Variants in PI4KA observed in about 807,000 individuals in gnomAD.
PI4KA encodes phosphatidylinositol 4-kinase alpha, also known as PI4-kinase alpha.
PI4KA carries 122 observed loss-of-function variants against 271.4 expected under a neutral mutation model. The observed-to-expected ratio is 0.45, with a 90% CI of 0.39 to 0.52. PI4KA has a LOEUF of 0.52. PI4KA is among the 20% of genes least tolerant of loss of function. The pLI is 0.00. For synonymous variants in PI4KA, 1,041 were observed against 1,078.8 expected (o/e 0.96, Z 0.69); for missense variants, 1,969 against 2,769.1 (o/e 0.71, Z 6.48).
At chr22:20,853,501 T>G (rs1927236233) in intron 1 of PI4KA, among the ~76,000 whole-genome samples, 2 of 152,316 alleles carry the variant, frequency 1.3e-5, no homozygotes, top group South Asian at 4.1e-4. Flanking sequence ...GATCCCAATG[T>G]TGAAAAGCCT....
intron 54 of PI4KA, 95 bp from the exon 55 acceptor site, chr22:20,708,193 T>C: frequency 2.1e-6 from 2 of 931,502 alleles, no homozygotes; most frequent in Non-Finnish European, 3.6e-6. Context: ...ATCAGCCCCT[T>C]ATGGCTGCCC....
intron 27 of PI4KA, among the ~76,000 whole-genome samples, chr22:20,750,310 G>A (rs1930531539): frequency 6.6e-6 from 1 of 152,220 alleles, no homozygotes; most frequent in East Asian, 1.9e-4. Flanking sequence ...GACACAGGGA[G>A]AAGGCTGCCA....
At chr22:20,851,618 G>A (rs1027162199) in intron 1 of PI4KA, among the ~76,000 whole-genome samples, 4 of 152,174 alleles carry the variant, frequency 2.6e-5, no homozygotes, top group Admixed American at 1.3e-4. Flanking sequence ...GATTACAGGC[G>A]TGAGCCACTG....
Position 20,765,243 on chromosome 22 carries a change from T to C in PI4KA, c.2438-7A>G, listed in dbSNP as rs566389950. The C allele has an allele frequency of 3.8e-6, 6 of 1,598,552 alleles. No homozygotes were observed. The South Asian group carries it at 5.6e-5, about 15-fold the overall frequency. ...CATTCTTCTGGCCAGAGTCCTGCAA[T>C]AAAGTGAACATAAATGAGGAAATCA... On this transcript the variant is annotated splice_polypyrimidine_tract_variant and splice_region_variant and intron_variant, in intron 20 of 54. Coordinates refer to ENST00000255882, the MANE Select transcript of PI4KA (RefSeq NM_058004.4).
rs373571556 is a variant in PI4KA at position 20,744,052 on chromosome 22, TCAAAAACAAAAA to T, written c.3456+564_3456+575del. On this transcript the variant is annotated intron_variant, in intron 30 of 54. Transcript: ENST00000255882. ...CTGGGCAACAGAACGAGACTCTGTCTCAAAAACAAAAACAAAAACAAACAAACAAAAAGAAAT... is the reference window on the plus strand; with the variant it reads ...CTGGGCAACAGAACGAGACTCTGTCTCAAAAACAAACAAACAAAAAGAAAT... Among the ~76,000 whole-genome samples the T allele has an allele frequency of 1.1e-4, 16 of 152,184 alleles. No homozygotes were observed. In the South Asian group the frequency reaches 2.9e-3, roughly 28 times the overall value.
chr22:20,787,189 G>A (rs1934316266), intron 19 of PI4KA: 1 of 890,398 alleles, frequency 1.1e-6, no homozygotes. Flanking sequence ...TGAATTCGAG[G>A]CCCATATGAG....
At chr22:20,726,223 C>T in intron 42 of PI4KA, 1 of 375,270 alleles carries the variant, frequency 2.7e-6, no homozygotes, top group Non-Finnish European at 4.8e-6. Flanking sequence ...GGAAGCCTGG[C>T]CAGGCTGCCT....
At position 20,753,033 on chromosome 22, in the gene PI4KA, G is replaced by A; in HGVS notation, c.2863-6C>T. ...TCGTTCTCCTTGGTCTTGGCCTAGA[G>A]ATGCAAAAGAAACAGGTACCGCAGT... On this transcript the variant is annotated splice_polypyrimidine_tract_variant and splice_region_variant and intron_variant, in intron 24 of 54. Coordinates refer to ENST00000255882, the MANE Select transcript of PI4KA (RefSeq NM_058004.4). The A allele has an allele frequency of 6.2e-7, 1 of 1,614,222 alleles. No homozygotes were observed. The highest frequency in any genetic ancestry group is 8.5e-7 in the Non-Finnish European group (1 of 1,180,038).
At position 20,819,793 on chromosome 22, in the gene PI4KA, G is replaced by C; in HGVS notation, c.637C>G (p.Pro213Ala). ...SLLSKLFPKI[P>A]PHSLRVLEEL... is the part of the protein sequence containing the mutation. ...TCCAGGACACGGAGGGAATGAGGAG[G>C]GATTTTGGGAAAGAGCTTTGAGAGG... Residue 213 changes from proline to alanine, a missense_variant, in exon 6 of 55, where the codon CCT becomes GCT. Transcript: ENST00000255882. 7 of 1,614,138 alleles carry C rather than the reference G, an allele frequency of 4.3e-6. No individual in the cohort carries two copies. The highest frequency in any genetic ancestry group is 5.9e-6 in the Non-Finnish European group (7 of 1,179,992).
intron 10 of PI4KA, among the ~76,000 whole-genome samples, chr22:20,805,832 CA>C (rs362153): frequency 0.54 from 56,431 of 104,948 alleles, 11,800 homozygotes; most frequent in African/African-American, 0.61. Flanking sequence ...ACTCCCATCT[CA>C]AAAAAAAAAA....
intron 4 of PI4KA, 22 bp from the exon 5 acceptor site, chr22:20,820,633 GAA>G: frequency 7.3e-7 from 1 of 1,378,422 alleles, no homozygotes; most frequent in Non-Finnish European, 9.9e-7. Flanking sequence ...AAGGAAACAA[GAA>G]AAAAAAAACA....
chr22:20,841,242 T>C (rs778883806), intron 1 of PI4KA, among the ~76,000 whole-genome samples: 4 of 152,216 alleles, frequency 2.6e-5, no homozygotes, highest in Non-Finnish European at 5.9e-5. Flanking sequence ...CCAGGTGCTC[T>C]GGGTTGGGCT....
At chr22:20,857,659 T>C (rs1455550238) in intron 1 of PI4KA, among the ~76,000 whole-genome samples, 1 of 152,246 alleles carries the variant, frequency 6.6e-6, no homozygotes, top group East Asian at 1.9e-4. Flanking sequence ...TGCCTTGACC[T>C]GTGCAAGATG....
rs751337698 is a variant in PI4KA, at chr22:20,744,710, A to C, written c.3374T>G (p.Leu1125Arg). The C allele has an allele frequency of 6.2e-7, 1 of 1,613,894 alleles. No individual in the cohort carries two copies. Among genetic ancestry groups the C allele is most frequent in the East Asian group, 2.2e-5 (1 of 44,884 alleles). The stretch of plus-strand genomic sequence containing the variant: ...CTTCACACAGGCCGGGCGCTCGCTC[A>C]GCTGAGTTGCCTACAGACAGATAAC... ...KQNTTLGATQ[L>R]SERPACVKKD... Residue 1125 changes from leucine to arginine, a missense_variant, in exon 30 of 55, where the codon CTG (leucine) becomes CGG (arginine). Leu to Arg is a moderately radical substitution (Grantham distance 102). Coordinates refer to ENST00000255882, the MANE Select transcript of PI4KA (RefSeq NM_058004.4).
chr22:20,819,944 G>A (rs758166761), intron 5 of PI4KA, 44 bp from the exon 6 acceptor site: 4 of 1,532,136 alleles, frequency 2.6e-6, no homozygotes, highest in Non-Finnish European at 3.6e-6. Context: ...AAAGTATCCT[G>A]ATAGAGTCAT....
intron 19 of PI4KA, among the ~76,000 whole-genome samples, chr22:20,769,849 T>C (rs998497133): frequency 5.3e-5 from 8 of 152,140 alleles, no homozygotes; most frequent in African/African-American, 1.9e-4. Context: ...ATGTGATATA[T>C]GTGAGGCTTG....
At chr22:20,798,724 T>C (rs373452746) in intron 16 of PI4KA, 37 bp from the exon 17 acceptor site, 1 of 1,398,124 alleles carries the variant, frequency 7.2e-7, no homozygotes, top group South Asian at 1.2e-5. Flanking sequence ...CCATGCAGGA[T>C]GCCCTCATGA....
At chr22:20,742,582 A>G (rs1568977696) in intron 31 of PI4KA, 26 bp downstream of exon 31, 1 of 1,612,964 alleles carries the variant, frequency 6.2e-7, no homozygotes, top group East Asian at 2.2e-5. Flanking sequence ...ACGAGCCCAG[A>G]ATTCCACAGT....
At chr22:20,791,891 AG>A (rs1934669686) in intron 19 of PI4KA, among the ~76,000 whole-genome samples, 1 of 152,192 alleles carries the variant, frequency 6.6e-6, no homozygotes, top group Non-Finnish European at 1.5e-5. Context: ...ACTTGAGGCC[AG>A]GAGTTCGAGA....
Sources: gnomAD v4.1 joint callset for allele counts (sites outside exome capture counted in the v4.1 genomes callset) on GRCh38, gnomAD v4.1.1 for gene constraint, MANE v1.5 for transcripts, NCBI Gene and HGNC (gene_info 2026-07-23, HGNC 2026-07-21) for gene names.